GSE1: variants seen among roughly 807,000 people sequenced by gnomAD.
GSE1 encodes the protein genetic suppressor element 1.
A neutral mutation model predicts 112.6 loss-of-function variants in GSE1; 32 were observed. The observed-to-expected ratio is 0.28, with a 90% CI of 0.21 to 0.38. The LOEUF (loss-of-function observed/expected upper bound fraction) is 0.38, where lower values mean the gene tolerates loss of function less well. Ranked by LOEUF, GSE1 falls within the 10% of genes least tolerant of loss-of-function variation. GSE1 has a pLI of 1.00. For synonymous variants in GSE1, 1,115 were observed against 735.6 expected (o/e 1.52, Z -8.35); for missense variants, 2,348 against 1,699.2 (o/e 1.38, Z -6.71).
intron 2 of GSE1, among the ~76,000 whole-genome samples, chr16:85,512,329 A>T (rs1310194740): frequency 6.6e-6 from 1 of 152,252 alleles, no homozygotes; most frequent in South Asian, 2.1e-4. Flanking sequence ...CCAGCCAGGC[A>T]CCCAGGACAG....
At chr16:85,654,554 C>A (rs1275664338) in intron 4 of GSE1, 104 bp downstream of exon 4, 2 of 1,031,540 alleles carry the variant, frequency 1.9e-6, no homozygotes, top group African/African-American at 1.6e-5. Context: ...GAGGCTGTGC[C>A]TGCTAGATGG....
chr16:85,448,955 T>C (rs1205180094), intron 2 of GSE1, among the ~76,000 whole-genome samples: 1 of 152,124 alleles, frequency 6.6e-6, no homozygotes, highest in Non-Finnish European at 1.5e-5. Flanking sequence ...CCAGGAGCTG[T>C]TTGCCTCTCC....
chr16:85,275,506 C>G (rs569891141), intron 1 of GSE1, among the ~76,000 whole-genome samples: 1 of 152,164 alleles, frequency 6.6e-6, no homozygotes, highest in South Asian at 2.1e-4. Context: ...CTGTCTCACT[C>G]GACAAGCCAC....
chr16:85,445,235 T>G (rs1390023932), intron 2 of GSE1, among the ~76,000 whole-genome samples: 1 of 152,194 alleles, frequency 6.6e-6, no homozygotes, highest in South Asian at 2.1e-4. Context: ...CGGGAGCAGC[T>G]GCCACGTGCG....
intron 1 of GSE1, among the ~76,000 whole-genome samples, chr16:85,326,186 A>G (rs2046225052): frequency 1.3e-5 from 2 of 152,284 alleles, no homozygotes; most frequent in East Asian, 1.9e-4. Flanking sequence ...CGTTCAGGAT[A>G]TGGGCTCATC....
chr16:85,492,309 CG>C (rs1254968258), intron 2 of GSE1, among the ~76,000 whole-genome samples: 10 of 152,120 alleles, frequency 6.6e-5, no homozygotes, highest in Non-Finnish European at 1.5e-4. Context: ...TCTAGCAGTT[CG>C]GGGACTCAGA....
At chr16:85,327,772 C>G (rs1363028342) in intron 1 of GSE1, among the ~76,000 whole-genome samples, 1 of 152,146 alleles carries the variant, frequency 6.6e-6, no homozygotes, top group African/African-American at 2.4e-5. Flanking sequence ...GGCCATTGAC[C>G]CTTTCCACAT....
chr16:85,634,186 G>T, intron 2 of GSE1, 54 bp downstream of exon 2: 24 of 1,247,098 alleles, frequency 1.9e-5, no homozygotes, highest in Non-Finnish European at 2.5e-5. Context: ...CCGAGGCCGG[G>T]ACTCAGCCTC....
upstream of GSE1, chr16:85,613,193 GGGCGGCGTTGCGTTTGGGTGTGTCCTC>G (rs1203982661): frequency 6.3e-6 from 9 of 1,429,690 alleles, no homozygotes; most frequent in Non-Finnish European, 7.3e-6. Flanking sequence ...GCCCGGGAGT[GGGCGGCGTTGCGTTTGGGTGTGTCCTC>G]GGCGGCGACA....
At chr16:85,317,003 C>T (rs1021144214) in intron 1 of GSE1, among the ~76,000 whole-genome samples, 9 of 152,206 alleles carry the variant, frequency 5.9e-5, no homozygotes, top group African/African-American at 1.9e-4. Flanking sequence ...TCTCAGGCCC[C>T]GTCCCTGCAC....
At chr16:85,303,495 G>C (rs1161507071) in intron 1 of GSE1, among the ~76,000 whole-genome samples, 2 of 152,250 alleles carry the variant, frequency 1.3e-5, no homozygotes, top group Admixed American at 6.5e-5. Context: ...TCCGCCGCTT[G>C]CTGAGCGCTT....
intron 1 of GSE1, among the ~76,000 whole-genome samples, chr16:85,305,114 C>T (rs1454554402): frequency 1.3e-5 from 2 of 152,186 alleles, no homozygotes; most frequent in Non-Finnish European, 2.9e-5. Flanking sequence ...GTGGGCTCTG[C>T]CCTAGGCAAG....
chr16:85,188,929 T>C (rs1361956891), intron 1 of GSE1, among the ~76,000 whole-genome samples: 2 of 152,208 alleles, frequency 1.3e-5, no homozygotes, highest in Non-Finnish European at 2.9e-5. Context: ...ATCTGGTGCA[T>C]ATGTGCATTT....
intron 1 of GSE1, among the ~76,000 whole-genome samples, chr16:85,321,397 A>G (rs1232169777): frequency 6.6e-6 from 1 of 152,128 alleles, no homozygotes; most frequent in Non-Finnish European, 1.5e-5. Flanking sequence ...TCTCTAAATT[A>G]TATACTTATT....
At chr16:85,332,812 G>A (rs550457235) in intron 1 of GSE1, among the ~76,000 whole-genome samples, 138 of 152,234 alleles carry the variant, frequency 9.1e-4, no homozygotes, top group African/African-American at 3.3e-3. Flanking sequence ...CAGAGTCATT[G>A]CTTGTCTTTT....
rs115487534 is a variant in GSE1, at chr16:85,562,687, C to T, written c.37+6324C>T. Among the ~76,000 whole-genome samples, 626 of 152,326 alleles carry T rather than the reference C, an allele frequency of 4.1e-3. 2 individuals carry two copies. Among genetic ancestry groups the T allele is most frequent in the African/African-American group, 0.014 (592 of 41,582 alleles). ...CTGCTTTGAGCCTGGTGCTCCGTGT[C>T]GCTTGCCCATCTTCCTCCTGGACAT... is the stretch of plus-strand genomic sequence containing the variant. On this transcript the variant is annotated intron_variant, in intron 1 of 2. Coordinates refer to the GSE1 transcript ENST00000635906.
intron 1 of GSE1, among the ~76,000 whole-genome samples, chr16:85,181,598 C>T (rs550805273): frequency 1.0e-3 from 158 of 152,358 alleles, no homozygotes; most frequent in African/African-American, 3.3e-3. Context: ...ACCGCTGCTG[C>T]GGCGTTTTAT....
intron 2 of GSE1, among the ~76,000 whole-genome samples, chr16:85,415,392 C>G (rs551141798): frequency 6.6e-6 from 1 of 152,360 alleles, no homozygotes; most frequent in South Asian, 2.1e-4. Flanking sequence ...AAATGAATGA[C>G]TATATAATGA....
intron 1 of GSE1, among the ~76,000 whole-genome samples, chr16:85,596,171 C>G (rs555331647): frequency 2.0e-5 from 3 of 152,086 alleles, no homozygotes; most frequent in South Asian, 4.1e-4. Context: ...GCTGCCTCCC[C>G]CACCGCTGCA....
Sources: gnomAD v4.1 joint callset for allele counts (sites outside exome capture counted in the v4.1 genomes callset) on GRCh38, gnomAD v4.1.1 for gene constraint, MANE v1.5 for transcripts, NCBI Gene and HGNC (gene_info 2026-07-23, HGNC 2026-07-21) for gene names.